CBLN2: variants seen among roughly 807,000 people sequenced by gnomAD.
The protein encoded by CBLN2 is cerebellin 2 precursor, also known as cerebellin-2.
In CBLN2, 7 loss-of-function variants were observed where a neutral mutation model predicts 15.0. That is an observed-to-expected ratio of 0.47 (90% CI 0.27 to 0.88). The LOEUF (loss-of-function observed/expected upper bound fraction) is 0.88. Ranked by LOEUF, CBLN2 falls within the 40% of genes least tolerant of loss-of-function variation. CBLN2 has a pLI of 0.14. For synonymous variants in CBLN2, 149 were observed against 135.2 expected (o/e 1.10, Z -0.71); for missense variants, 242 against 304.5 (o/e 0.79, Z 1.53).
At chr18:72,581,568 A>G (rs1157055541) in intron 1 of CBLN2, among the ~76,000 whole-genome samples, 1 of 152,058 alleles carries the variant, frequency 6.6e-6, no homozygotes, top group Non-Finnish European at 1.5e-5. Context: ...ACCTGTTTGG[A>G]GCTTTAGCTT....
chr18:72,581,805 T>G (rs2069407157), intron 1 of CBLN2, among the ~76,000 whole-genome samples: 2 of 152,202 alleles, frequency 1.3e-5, no homozygotes, highest in African/African-American at 2.4e-5. Context: ...TAGACTGAGG[T>G]CATATTCTAT....
intron 1 of CBLN2, among the ~76,000 whole-genome samples, chr18:72,578,736 C>T (rs681058): frequency 0.86 from 130,491 of 152,216 alleles, 56,962 homozygotes; most frequent in Middle Eastern, 0.95. Flanking sequence ...TTTTCATTCT[C>T]GTCTCCTGTA....
At chr18:72,618,724 GATGACC>G (rs1360128547) in intron 1 of CBLN2, 15 of 719,724 alleles carry the variant, frequency 2.1e-5, no homozygotes, top group Non-Finnish European at 3.8e-5. Context: ...CATAATCTTT[GATGACC>G]ATGACTCCGT....
Position 72,593,629 on chromosome 18 carries a change from A to T in CBLN2, c.15+44696T>A, listed in dbSNP as rs572989136. 2.0e-5 allele frequency among the ~76,000 whole-genome samples: 3 copies of T among 152,248 alleles called. No individual in the cohort carries two copies. The East Asian group carries it at 5.8e-4, about 29-fold the overall frequency. ...TTTCAGTTTTTTGCCTTTGAGTATG[A>T]TACTAGCTCTTGGTCTGTCATATAT... On this transcript the variant is annotated intron_variant, in intron 1 of 2. Transcript: ENST00000581073.
intron 2 of CBLN2, among the ~76,000 whole-genome samples, chr18:72,542,749 C>A (rs1033694653): frequency 6.6e-6 from 1 of 152,162 alleles, no homozygotes; most frequent in Non-Finnish European, 1.5e-5. Context: ...GAACCCTTTT[C>A]CTATCCCTTG....
rs141829276 is a variant in CBLN2 at position 72,565,040 on chromosome 18, G to A, written c.16-26268C>T. ...TCGGCCAAGAATAGCACTCAGCAAA[G>A]CTATCCTTCATAAATGAAGTAGAAA... On this transcript the variant is annotated intron_variant, in intron 1 of 2. Transcript: ENST00000581073. Among the ~76,000 whole-genome samples, 444 of 152,276 alleles carry A rather than the reference G, an allele frequency of 2.9e-3. 7 individuals carry two copies. In the East Asian group the frequency reaches 0.072, roughly 25 times the overall value.
chr18:72,553,086 A>G (rs2069201294), intron 1 of CBLN2, among the ~76,000 whole-genome samples: 1 of 152,214 alleles, frequency 6.6e-6, no homozygotes, highest in South Asian at 2.1e-4. Flanking sequence ...TGCTGCTGAG[A>G]GGAAAACATT....
intron 1 of CBLN2, among the ~76,000 whole-genome samples, chr18:72,600,875 T>C (rs1203862426): frequency 1.3e-5 from 2 of 152,072 alleles, no homozygotes; most frequent in Non-Finnish European, 2.9e-5. Context: ...TGAGTCACCC[T>C]CTAGGTGGGG....
chr18:72,619,259 A>C, intron 1 of CBLN2: 1 of 864,518 alleles, frequency 1.2e-6, no homozygotes, highest in Non-Finnish European at 1.8e-6. Flanking sequence ...AGGAGAGGAG[A>C]GCCAGAGAAG....
At chr18:72,602,374 T>C (rs983609544) in intron 1 of CBLN2, among the ~76,000 whole-genome samples, 4 of 152,228 alleles carry the variant, frequency 2.6e-5, no homozygotes, top group Non-Finnish European at 5.9e-5. Context: ...ACTACGCTTC[T>C]GGTATCCCAT....
At chr18:72,559,187 G>A (rs1024512074) in intron 1 of CBLN2, among the ~76,000 whole-genome samples, 1 of 152,180 alleles carries the variant, frequency 6.6e-6, no homozygotes, top group Non-Finnish European at 1.5e-5. Context: ...TGATTGCTCC[G>A]GGTCTCAGGC....
intron 1 of CBLN2, among the ~76,000 whole-genome samples, chr18:72,597,780 TCTC>T (rs1426183460): frequency 1.3e-5 from 2 of 152,070 alleles, no homozygotes; most frequent in African/African-American, 4.8e-5. Context: ...CACTCCTCCT[TCTC>T]CTTTACACAA....
intron 1 of CBLN2, among the ~76,000 whole-genome samples, chr18:72,609,227 A>G (rs1410585618): frequency 6.6e-6 from 1 of 152,152 alleles, no homozygotes; most frequent in Admixed American, 6.5e-5. Context: ...AGAAATTTTT[A>G]TGGGCTCCCA....
intron 1 of CBLN2, among the ~76,000 whole-genome samples, chr18:72,596,439 G>A (rs1319012773): frequency 1.3e-5 from 2 of 152,086 alleles, no homozygotes; most frequent in East Asian, 1.9e-4. Context: ...TTCTACTTAA[G>A]ATATGAGTAG....
At chr18:72,579,715 G>C (rs977267998) in intron 1 of CBLN2, among the ~76,000 whole-genome samples, 6 of 150,746 alleles carry the variant, frequency 4.0e-5, no homozygotes, top group African/African-American at 1.2e-4. Context: ...CTGGGTGACA[G>C]AGCGAGACTC....
intron 1 of CBLN2, among the ~76,000 whole-genome samples, chr18:72,625,877 C>A (rs1200458631): frequency 7.1e-6 from 1 of 140,936 alleles, no homozygotes; most frequent in Admixed American, 7.3e-5. Flanking sequence ...GTCTGTTAGA[C>A]CAAATGCTGA....
At chr18:72,586,287 A>G (rs2069442729) in intron 1 of CBLN2, among the ~76,000 whole-genome samples, 1 of 152,138 alleles carries the variant, frequency 6.6e-6, no homozygotes, top group Non-Finnish European at 1.5e-5. Flanking sequence ...TTATTCCTCC[A>G]TTATATAACT....
intron 1 of CBLN2, chr18:72,620,458 C>T (rs1038516074): frequency 2.6e-5 from 4 of 152,200 alleles, no homozygotes; most frequent in Non-Finnish European, 4.4e-5. Flanking sequence ...TCTGGCAGGA[C>T]TCTTCTTTGA....
rs557922374 is a variant in CBLN2 at position 72,622,071 on chromosome 18, C to T, written c.15+16254G>A. 5.9e-5 allele frequency among the ~76,000 whole-genome samples: 9 copies of T among 152,148 alleles called. No individual in the cohort carries two copies. In the East Asian group the frequency reaches 1.2e-3, roughly 20 times the overall value. ...TATAGATATATAGGAAGACTTTTCT[C>T]CTTATGTGTAACTCAGAACAATGCA... On this transcript the variant is annotated intron_variant, in intron 1 of 2. Transcript: ENST00000581073.
Sources: allele counts gnomAD v4.1 joint callset (sites outside exome capture counted in the v4.1 genomes callset), GRCh38; gene constraint gnomAD v4.1.1; transcripts MANE v1.5; gene names NCBI Gene and HGNC (gene_info 2026-07-23, HGNC 2026-07-21).